The following NRG3 variants were observed in gnomAD, a reference collection of about 807,000 sequenced individuals.
NRG3 encodes neuregulin 3, also known as pro-neuregulin-3, membrane-bound isoform.
In NRG3, 31 loss-of-function variants were observed where a neutral mutation model predicts 66.9. The ratio of observed to expected loss-of-function variants is 0.46; its 90% CI spans 0.35 to 0.63. The LOEUF (loss-of-function observed/expected upper bound fraction) is 0.63. Among genes scored for constraint, NRG3 ranks in the 20% least tolerant of loss-of-function variants. The probability of loss-of-function intolerance (pLI) is 0.00; values close to 1 mark genes in which losing one functional copy is unlikely to be tolerated. For synonymous variants in NRG3, 393 were observed against 359.4 expected (o/e 1.09, Z -1.06); for missense variants, 910 against 878.9 (o/e 1.04, Z -0.45).
intron 1 of NRG3, among the ~76,000 whole-genome samples, chr10:81,974,042 T>C (rs2060026675): frequency 6.6e-6 from 1 of 152,166 alleles, no homozygotes. Flanking sequence ...TAGTTTTGGG[T>C]TTTACATTTA....
At chr10:82,188,586 G>T (rs912567540) in intron 1 of NRG3, among the ~76,000 whole-genome samples, 1 of 151,894 alleles carries the variant, frequency 6.6e-6, no homozygotes, top group Non-Finnish European at 1.5e-5. Flanking sequence ...TATATAAGGA[G>T]CTCAAACAAC....
At chr10:82,508,042 G>T (rs149114942) in intron 2 of NRG3, among the ~76,000 whole-genome samples, 1,736 of 152,248 alleles carry the variant, frequency 0.011, 18 homozygotes, top group Middle Eastern at 0.071. Context: ...ATAAGGCTTT[G>T]TCATTAAATG....
intron 1 of NRG3, among the ~76,000 whole-genome samples, chr10:82,038,072 C>G (rs561269124): frequency 1.3e-5 from 2 of 152,128 alleles, no homozygotes; most frequent in Non-Finnish European, 2.9e-5. Context: ...CAGTAAAAAT[C>G]TTAAAATCTT....
At chr10:82,226,132 T>C (rs1304191414) in intron 1 of NRG3, among the ~76,000 whole-genome samples, 1 of 152,134 alleles carries the variant, frequency 6.6e-6, no homozygotes. Flanking sequence ...AAACAACATG[T>C]TAAGGAAATA....
intron 1 of NRG3, among the ~76,000 whole-genome samples, chr10:82,211,203 T>C (rs1394094139): frequency 6.6e-6 from 1 of 152,196 alleles, no homozygotes; most frequent in African/African-American, 2.4e-5. Context: ...TTTTCTTTAA[T>C]GGTTAGGAGG....
At chr10:82,937,658 A>T (rs1328128914) in intron 4 of NRG3, among the ~76,000 whole-genome samples, 1 of 152,242 alleles carries the variant, frequency 6.6e-6, no homozygotes, top group African/African-American at 2.4e-5. Flanking sequence ...AAAGTGGCCT[A>T]CAGAAAACAG....
At chr10:82,684,176 G>A (rs896409178) in intron 2 of NRG3, among the ~76,000 whole-genome samples, 1 of 152,184 alleles carries the variant, frequency 6.6e-6, no homozygotes, top group Non-Finnish European at 1.5e-5. Context: ...AAAGCAGGAG[G>A]ATTGAGAAAG....
At chr10:82,867,187 G>A (rs1840838150) in intron 4 of NRG3, among the ~76,000 whole-genome samples, 1 of 152,064 alleles carries the variant, frequency 6.6e-6, no homozygotes, top group East Asian at 1.9e-4. Context: ...TCCTGTTTAA[G>A]GTAGCAAATG....
chr10:82,346,484 T>C (rs905933214), intron 1 of NRG3, among the ~76,000 whole-genome samples: 11 of 150,636 alleles, frequency 7.3e-5, no homozygotes, highest in African/African-American at 2.7e-4. Context: ...TTATTGAGGA[T>C]TTTTGCATCA....
intron 2 of NRG3, among the ~76,000 whole-genome samples, chr10:82,490,181 T>C (rs1235814850): frequency 6.6e-6 from 1 of 152,206 alleles, no homozygotes; most frequent in East Asian, 1.9e-4. Flanking sequence ...GCTTCTTTGC[T>C]TCTGTTGCTG....
intron 2 of NRG3, among the ~76,000 whole-genome samples, chr10:82,582,614 G>A (rs920895080): frequency 2.0e-5 from 3 of 151,632 alleles, no homozygotes; most frequent in African/African-American, 7.3e-5. Flanking sequence ...TCTGCATCTG[G>A]ACAAGGACCA....
At chr10:82,046,887 A>G (rs11517085) in intron 1 of NRG3, among the ~76,000 whole-genome samples, 34,591 of 138,562 alleles carry the variant, frequency 0.25, 4,501 homozygotes, top group Middle Eastern at 0.33. Flanking sequence ...ATTTGTGTAT[A>G]TTGAACCAGC....
At chr10:82,839,633 A>G (rs2062956042) in intron 3 of NRG3, among the ~76,000 whole-genome samples, 1 of 151,650 alleles carries the variant, frequency 6.6e-6, no homozygotes, top group African/African-American at 2.4e-5. Context: ...TCTAAATAGT[A>G]TTTCTATTTT....
rs147410406 is a variant in NRG3 at position 82,638,290 on chromosome 10, A to G, written c.954-100287A>G. 1.1e-3 allele frequency among the ~76,000 whole-genome samples: 163 copies of G among 152,326 alleles called. 2 individuals carry two copies. Among genetic ancestry groups the G allele is most frequent in the African/African-American group, 3.5e-3 (147 of 41,578 alleles). ...TGAATTTGATCATTCTATGCAAATT[A>G]TATCTGTACTGGAGACTTGTAATTA... is the stretch of plus-strand genomic sequence containing the variant. On this transcript the variant is annotated intron_variant, in intron 2 of 8. Coordinates refer to ENST00000372141, the MANE Select transcript of NRG3 (RefSeq NM_001010848.4).
intron 4 of NRG3, among the ~76,000 whole-genome samples, chr10:82,932,135 C>T (rs1459329347): frequency 6.6e-6 from 1 of 152,294 alleles, no homozygotes; most frequent in Admixed American, 6.5e-5. Flanking sequence ...CATTCCTTCA[C>T]CTGCTTTCCG....
chr10:82,480,849 C>G (rs1842212271), intron 2 of NRG3, among the ~76,000 whole-genome samples: 2 of 152,236 alleles, frequency 1.3e-5, no homozygotes, highest in South Asian at 4.1e-4. Context: ...TAAACTTGCA[C>G]TTCTACCATG....
chr10:82,513,498 T>C (rs1162779408), intron 2 of NRG3, among the ~76,000 whole-genome samples: 2 of 152,358 alleles, frequency 1.3e-5, no homozygotes, highest in Middle Eastern at 3.4e-3. Context: ...TCAAATGTTA[T>C]TTCTGCTCTT....
intron 3 of NRG3, among the ~76,000 whole-genome samples, chr10:82,834,755 T>G (rs932427559): frequency 6.6e-6 from 1 of 152,156 alleles, no homozygotes; most frequent in African/African-American, 2.4e-5. Flanking sequence ...GTGAGTTGGT[T>G]GGGACATGCT....
chr10:82,187,200 A>G (rs2073856783), intron 1 of NRG3, among the ~76,000 whole-genome samples: 1 of 152,180 alleles, frequency 6.6e-6, no homozygotes, highest in African/African-American at 2.4e-5. Flanking sequence ...GAGTAATATG[A>G]CACATGTGGA....
Sources: allele counts gnomAD v4.1 joint callset (sites outside exome capture counted in the v4.1 genomes callset), GRCh38; gene constraint gnomAD v4.1.1; transcripts MANE v1.5; gene names NCBI Gene and HGNC (gene_info 2026-07-23, HGNC 2026-07-21).